The following RRM2 variants were observed in gnomAD, a reference collection of about 807,000 sequenced individuals.
RRM2 encodes the protein ribonucleoside-diphosphate reductase subunit M2.
RRM2 carries 6 observed loss-of-function variants against 45.9 expected under a neutral mutation model. The ratio of observed to expected loss-of-function variants is 0.13; its 90% CI spans 0.07 to 0.26. The LOEUF (loss-of-function observed/expected upper bound fraction) is 0.26. Among genes scored for constraint, RRM2 ranks in the 10% least tolerant of loss-of-function variants. The pLI is 1.00. For synonymous variants in RRM2, 177 were observed against 173.0 expected (o/e 1.02, Z -0.18); for missense variants, 343 against 489.5 (o/e 0.70, Z 2.82).
chr2:10,207,439 A>T (rs561927707), intron 3 of RRM2, among the ~76,000 whole-genome samples: 12 of 152,206 alleles, frequency 7.9e-5, no homozygotes, highest in African/African-American at 2.6e-4. Flanking sequence ...TAAAACATGA[A>T]ATGGTATCCT....
chr2:10,190,355 TTGG>T (rs200087916), intron 3 of RRM2, among the ~76,000 whole-genome samples: 4,506 of 111,420 alleles, frequency 0.04, 318 homozygotes, highest in African/African-American at 0.15. Flanking sequence ...GAGGATGGTG[TTGG>T]TGGTGATGAG....
rs1484253637 is a variant in RRM2, at chr2:10,188,480, C to T, written n.483-21831C>T. The stretch of plus-strand genomic sequence containing the variant: ...CATCTGGTGGTCCTTTGTAAGGACA[C>T]CAGTCCTACTGGATTAGGGTCCCAC... On this transcript the variant is annotated intron_variant and non_coding_transcript_variant, in intron 3 of 3. Transcript: ENST00000381786. 8.5e-5 allele frequency among the ~76,000 whole-genome samples: 13 copies of T among 152,138 alleles called. No homozygotes were observed. In the East Asian group the frequency reaches 2.5e-3, roughly 29 times the overall value.
Position 10,169,572 on chromosome 2 carries a change from G to A in RRM2, n.482+27197G>A, listed in dbSNP as rs184450253. Among the ~76,000 whole-genome samples the A allele has an allele frequency of 2.6e-5, 4 of 152,214 alleles. No individual in the cohort carries two copies. The East Asian group carries it at 5.8e-4, about 22-fold the overall frequency. On this transcript the variant is annotated intron_variant and non_coding_transcript_variant, in intron 3 of 3. Coordinates refer to the RRM2 transcript ENST00000381786. The surrounding 1 kb of genome is among the most constrained non-coding windows in gnomAD (Gnocchi z 5.1). ...GAGGGTGAGCTGGGGTTGGGGAGGC[G>A]CAGGGGGGCTCCCCAGCAGAGGGAG...
At position 10,128,958 on chromosome 2, in the gene RRM2, G is replaced by C; in HGVS notation, c.903+6G>C. The C allele has an allele frequency of 1.2e-6, 2 of 1,611,206 alleles. No homozygotes were observed. The highest frequency in any genetic ancestry group is 1.7e-5 in the Admixed American group (1 of 60,026). ...ATGCTGTTCGGATAGAACAGGTAAA[G>C]TGGGTGATGAAATGGGTCACTCAAG... On this transcript the variant is annotated splice_donor_region_variant and intron_variant, in intron 8 of 9. Coordinates refer to ENST00000304567, the MANE Select transcript of RRM2 (RefSeq NM_001034.4).
rs1407277481 is a variant in RRM2, at chr2:10,172,667, G to A, written n.482+30292G>A. Among the ~76,000 whole-genome samples the A allele has an allele frequency of 6.6e-6, 1 of 152,170 alleles. No individual in the cohort carries two copies. The highest frequency in any genetic ancestry group is 2.4e-5 in the African/African-American group (1 of 41,444). On this transcript the variant is annotated intron_variant and non_coding_transcript_variant, in intron 3 of 3. Coordinates refer to the RRM2 transcript ENST00000381786. This position sits in a 1 kb window ranked among gnomAD's most constrained non-coding sequence, Gnocchi z 4.9. ...GTCGGCCCCTTCGCCTCTTCCTTCT[G>A]TCTGTCGGTGCAGCCTCTGAATAGA...
chr2:10,136,367 CTG>C (rs1161366541), downstream of RRM2, among the ~76,000 whole-genome samples: 1 of 152,132 alleles, frequency 6.6e-6, no homozygotes, highest in African/African-American at 2.4e-5. Flanking sequence ...TGGGCCTCCA[CTG>C]TGCAGGGTGC....
At chr2:10,137,880 G>T (rs1663018225), upstream of RRM2, among the ~76,000 whole-genome samples, 1 of 152,228 alleles carries the variant, frequency 6.6e-6, no homozygotes, top group Non-Finnish European at 1.5e-5. Flanking sequence ...CTGGGAACAG[G>T]TCCTGCAGCT....
chr2:10,186,665 C>T (rs4630742), intron 3 of RRM2, among the ~76,000 whole-genome samples: 47,135 of 152,082 alleles, frequency 0.31, 9,096 homozygotes, highest in Non-Finnish European at 0.44. Flanking sequence ...GAGCAGTGGT[C>T]GAGAGATTTC....
rs1194598711 is a variant in RRM2, at chr2:10,159,199, C to T, written n.482+16824C>T. 3.9e-5 allele frequency among the ~76,000 whole-genome samples: 6 copies of T among 152,136 alleles called. No homozygotes were observed. The East Asian group carries it at 1.2e-3, about 29-fold the overall frequency. On this transcript the variant is annotated intron_variant and non_coding_transcript_variant, in intron 3 of 3. Transcript: ENST00000381786. ...AAGACCACTCCCTTGTGGGTGGAGACACCCTTAGCCCAAAGGCTTGAGTAG... is the reference window on the plus strand; with the variant it reads ...AAGACCACTCCCTTGTGGGTGGAGATACCCTTAGCCCAAAGGCTTGAGTAG...
intron 7 of RRM2, among the ~76,000 whole-genome samples, chr2:10,128,241 A>G (rs770141948): frequency 3.3e-4 from 50 of 152,210 alleles, no homozygotes; most frequent in Non-Finnish European, 6.2e-4. Flanking sequence ...AAGCATTTCA[A>G]TGAAATGAGT....
chr2:10,167,269 T>C (rs11678947), intron 3 of RRM2, among the ~76,000 whole-genome samples: 85,618 of 152,054 alleles, frequency 0.56, 24,171 homozygotes, highest in South Asian at 0.61. Context: ...AATCAAGGAA[T>C]GATGAGCCAG....
chr2:10,151,632 G>A (rs1288993197), intron 3 of RRM2, among the ~76,000 whole-genome samples: 1 of 152,160 alleles, frequency 6.6e-6, no homozygotes, highest in Non-Finnish European at 1.5e-5. Flanking sequence ...GGAGCAGAAT[G>A]ACTGGGTCAT....
Position 10,124,250 on chromosome 2 carries a change from C to T in RRM2, c.435+398C>T, listed in dbSNP as rs559073232. 3.9e-4 allele frequency: 96 copies of T among 248,462 alleles called. 2 individuals carry two copies. Among genetic ancestry groups the T allele is most frequent in the South Asian group, 3.8e-3 (86 of 22,834 alleles). 15.4% of individuals were successfully genotyped at this position (248,462 alleles called of 1,614,324 possible). On this transcript the variant is annotated intron_variant, in intron 4 of 9. Transcript: ENST00000304567. ...CCTCATGAGTACCTGGGATTACAGA[C>T]GTGCGCCACCATGCCTAGCTAATAT...
intron 3 of RRM2, among the ~76,000 whole-genome samples, chr2:10,154,342 TG>T (rs1254069321): frequency 6.9e-6 from 1 of 143,900 alleles, no homozygotes; most frequent in African/African-American, 2.6e-5. Context: ...CTGGGTGTGG[TG>T]GCACACACCT....
intron 3 of RRM2, among the ~76,000 whole-genome samples, chr2:10,191,722 C>G (rs548072239): frequency 7.9e-5 from 12 of 152,080 alleles, no homozygotes; most frequent in Non-Finnish European, 1.8e-4. Context: ...GGCTAACCTG[C>G]GGGGTCTGGA....
rs904450212 is a variant in RRM2 at position 10,195,294 on chromosome 2, C to T, written n.483-15017C>T. Among the ~76,000 whole-genome samples the T allele has an allele frequency of 8.5e-5, 13 of 152,194 alleles. No individual in the cohort carries two copies. The East Asian group carries it at 1.4e-3, about 16-fold the overall frequency. ...AGGAGGGGCTTCACAGAGGAGGCAG[C>T]GGCTCAGGTGGTCCCAGGAGGATGG... On this transcript the variant is annotated intron_variant and non_coding_transcript_variant, in intron 3 of 3. Coordinates refer to the RRM2 transcript ENST00000381786. The surrounding 1 kb of genome is among the most constrained non-coding windows in gnomAD (Gnocchi z 4.9).
chr2:10,181,652 A>G (rs1664048325), intron 3 of RRM2, among the ~76,000 whole-genome samples: 2 of 149,136 alleles, frequency 1.3e-5, no homozygotes, highest in Non-Finnish European at 3.0e-5. Context: ...TTTTGATTGT[A>G]GGAGTTTATT....
chr2:10,141,575 G>A (rs775626792), exon 1 of RRM2: 40 of 451,996 alleles, frequency 8.8e-5, no homozygotes, highest in Non-Finnish European at 1.5e-4. Context: ...GAATGGAGGA[G>A]GCCTGGTGTC....
intron 3 of RRM2, among the ~76,000 whole-genome samples, chr2:10,166,437 G>T (rs1165770405): frequency 6.6e-6 from 1 of 152,218 alleles, no homozygotes; most frequent in Non-Finnish European, 1.5e-5. Flanking sequence ...ACACCAAGCT[G>T]CCCTGAACAG....
Sources: allele counts gnomAD v4.1 joint callset (sites outside exome capture counted in the v4.1 genomes callset), GRCh38; gene constraint gnomAD v4.1.1; non-coding constraint Gnocchi (gnomAD v3.1); transcripts MANE v1.5; gene names NCBI Gene and HGNC (gene_info 2026-07-23, HGNC 2026-07-21).